CNTN5: variants seen among roughly 807,000 people sequenced by gnomAD.
The protein encoded by CNTN5 is contactin 5.
A neutral mutation model predicts 129.1 loss-of-function variants in CNTN5; 77 were observed. The observed-to-expected ratio is 0.60, with a 90% confidence interval of 0.50 to 0.72. The LOEUF is 0.72. CNTN5 is among the 30% of genes least tolerant of loss of function. CNTN5 has a pLI of 0.00. For missense variants in CNTN5, 1,478 were observed against 1,328.8 expected (o/e 1.11, Z -1.75); for synonymous variants, 509 against 465.6 (o/e 1.09, Z -1.20).
chr11:99,681,440 ATCAG>A (rs1478519839), intron 3 of CNTN5, among the ~76,000 whole-genome samples: 3 of 152,090 alleles, frequency 2.0e-5, no homozygotes, highest in Admixed American at 6.6e-5. Flanking sequence ...CGTGAACCTG[ATCAG>A]TCAGTAGCTG....
intron 15 of CNTN5, among the ~76,000 whole-genome samples, chr11:100,211,329 C>G (rs1041541607): frequency 1.3e-5 from 2 of 152,106 alleles, no homozygotes; most frequent in Non-Finnish European, 2.9e-5. Context: ...ATCGTAGCAG[C>G]TTCCCCAAGA....
intron 3 of CNTN5, among the ~76,000 whole-genome samples, chr11:99,673,378 A>G (rs559183838): frequency 2.6e-4 from 39 of 152,324 alleles, no homozygotes; most frequent in South Asian, 1.2e-3. Flanking sequence ...GATTATACAG[A>G]GTCATGGTAC....
chr11:99,644,444 T>A (rs1951876877), intron 3 of CNTN5, among the ~76,000 whole-genome samples: 1 of 152,188 alleles, frequency 6.6e-6, no homozygotes, highest in Non-Finnish European at 1.5e-5. Context: ...AACTAATAAT[T>A]TAGAAATGAA....
intron 6 of CNTN5, among the ~76,000 whole-genome samples, chr11:99,893,438 A>G (rs1420610297): frequency 6.6e-6 from 1 of 152,196 alleles, no homozygotes; most frequent in African/African-American, 2.4e-5. Flanking sequence ...TTTAGAAAAA[A>G]AAGTTTGCGT....
chr11:99,522,592 A>G (rs1418268948), intron 2 of CNTN5, among the ~76,000 whole-genome samples: 2 of 152,184 alleles, frequency 1.3e-5, no homozygotes, highest in African/African-American at 4.8e-5. Flanking sequence ...TTTGGAGAAT[A>G]TAAATAAATT....
intron 3 of CNTN5, among the ~76,000 whole-genome samples, chr11:99,772,069 GTAT>G (rs1423448033): frequency 4.9e-5 from 3 of 60,804 alleles, no homozygotes; most frequent in Non-Finnish European, 7.8e-5. Flanking sequence ...AACTTCTGAG[GTAT>G]TTTTTTTTTT....
At chr11:99,651,285 A>G (rs1437447867) in intron 3 of CNTN5, among the ~76,000 whole-genome samples, 2 of 152,000 alleles carry the variant, frequency 1.3e-5, no homozygotes, top group Admixed American at 6.6e-5. Context: ...AGATCATTCT[A>G]TTAAATGTTT....
Position 99,413,646 on chromosome 11 carries a change from C to CA in CNTN5, c.-71+88169dup, listed in dbSNP as rs901439045. 1.1e-4 allele frequency among the ~76,000 whole-genome samples: 17 copies of CA among 151,748 alleles called. 1 individual carries two copies. Among genetic ancestry groups the CA allele is most frequent in the Middle Eastern group, 6.8e-3 (2 of 294 alleles). On this transcript the variant is annotated intron_variant, in intron 2 of 24. Transcript: ENST00000524871. Reference sequence around the variant, plus strand: ...AAAACAAAACAAAACAAAACAAAAACAAAAAAACAAAAACAAAAAAGATTT... The same window carrying CA: ...AAAACAAAACAAAACAAAACAAAAACAAAAAAAACAAAAACAAAAAAGATTT...
intron 6 of CNTN5, among the ~76,000 whole-genome samples, chr11:99,891,161 A>G (rs1278240866): frequency 6.6e-6 from 1 of 152,206 alleles, no homozygotes; most frequent in African/African-American, 2.4e-5. Flanking sequence ...ATAACAATAT[A>G]TAAAATTGGT....
intron 1 of CNTN5, among the ~76,000 whole-genome samples, chr11:99,156,643 T>A (rs2135502355): frequency 6.6e-6 from 1 of 151,926 alleles, no homozygotes; most frequent in East Asian, 1.9e-4. Context: ...ATCCTATAAT[T>A]TTTTTTATAT....
intron 3 of CNTN5, among the ~76,000 whole-genome samples, chr11:99,557,026 A>G (rs772542859): frequency 1.3e-5 from 2 of 151,298 alleles, no homozygotes; most frequent in East Asian, 3.9e-4. Context: ...GCTTGATTAT[A>G]TTTAAATCAG....
chr11:99,697,710 G>A (rs1954335326), intron 3 of CNTN5, among the ~76,000 whole-genome samples: 1 of 151,616 alleles, frequency 6.6e-6, no homozygotes, highest in Non-Finnish European at 1.5e-5. Flanking sequence ...GATTCACTAA[G>A]TTTTACAAAT....
At chr11:99,707,172 TC>T (rs1001499316) in intron 3 of CNTN5, among the ~76,000 whole-genome samples, 1 of 151,516 alleles carries the variant, frequency 6.6e-6, no homozygotes, top group African/African-American at 2.4e-5. Context: ...CAGTTTATGG[TC>T]TTTTTTTTTC....
chr11:99,789,081 A>T (rs1945643123), intron 3 of CNTN5, among the ~76,000 whole-genome samples: 1 of 151,940 alleles, frequency 6.6e-6, no homozygotes, highest in Non-Finnish European at 1.5e-5. Flanking sequence ...AAACAAACAA[A>T]AAAAAATTAT....
intron 3 of CNTN5, among the ~76,000 whole-genome samples, chr11:99,593,689 C>T (rs1160352437): frequency 6.6e-6 from 1 of 152,118 alleles, no homozygotes; most frequent in Non-Finnish European, 1.5e-5. Flanking sequence ...TTGTTTTGTT[C>T]TTCCCATCAA....
intron 13 of CNTN5, among the ~76,000 whole-genome samples, chr11:100,171,411 A>G (rs546667722): frequency 1.3e-5 from 2 of 152,160 alleles, no homozygotes; most frequent in East Asian, 3.9e-4. Flanking sequence ...CACAAATTCA[A>G]GAAATAATGA....
At chr11:99,705,799 T>C (rs1954730055) in intron 3 of CNTN5, among the ~76,000 whole-genome samples, 1 of 151,376 alleles carries the variant, frequency 6.6e-6, no homozygotes, top group Non-Finnish European at 1.5e-5. Context: ...GAACAGAGAC[T>C]GTGGAGCTGG....
intron 15 of CNTN5, among the ~76,000 whole-genome samples, chr11:100,199,884 A>C (rs1279927114): frequency 6.6e-6 from 1 of 151,964 alleles, no homozygotes; most frequent in African/African-American, 2.4e-5. Context: ...AATGTCCATA[A>C]AACAGCCATT....
intron 3 of CNTN5, among the ~76,000 whole-genome samples, chr11:99,623,040 T>C (rs1196721843): frequency 6.6e-6 from 1 of 152,154 alleles, no homozygotes; most frequent in African/African-American, 2.4e-5. Flanking sequence ...TTGCCTTCTT[T>C]GTTATAGATA....
Sources: gnomAD v4.1 joint callset for allele counts (sites outside exome capture counted in the v4.1 genomes callset) on GRCh38, gnomAD v4.1.1 for gene constraint, MANE v1.5 for transcripts, NCBI Gene and HGNC (gene_info 2026-07-23, HGNC 2026-07-21) for gene names.